Variants in PIEZO2 observed in about 807,000 individuals in gnomAD.
PIEZO2 encodes piezo-type mechanosensitive ion channel component 2.
Under a neutral mutation model 337.3 loss-of-function variants are expected in PIEZO2, and 172 were observed. The ratio of observed to expected loss-of-function variants is 0.51; its 90% confidence interval spans 0.45 to 0.58. The LOEUF is 0.58. PIEZO2 is among the 20% of genes least tolerant of loss of function. The probability of loss-of-function intolerance (pLI) is 0.00; values close to 1 mark genes in which losing one functional copy is unlikely to be tolerated. For missense variants in PIEZO2, 3,028 were observed against 3,391.3 expected (o/e 0.89, Z 2.66); for synonymous variants, 1,251 against 1,228.5 (o/e 1.02, Z -0.38).
intron 3 of PIEZO2, among the ~76,000 whole-genome samples, chr18:10,966,361 G>A (rs1207883543): frequency 6.6e-6 from 1 of 152,184 alleles, no homozygotes; most frequent in East Asian, 1.9e-4. Flanking sequence ...CCTTCTGGAT[G>A]GATTAGTGCC....
Position 10,789,309 on chromosome 18 carries a change from C to CTT in PIEZO2, c.1938_1939insAA (p.Glu647LysfsTer13). On this transcript the variant is annotated frameshift_variant, in exon 15 of 56. Transcript: ENST00000674853. LOFTEE classifies it high-confidence loss of function. The stretch of plus-strand genomic sequence containing the variant: ...CTCTCTTGCTTCTCTTCCTTCGCTT[C>CTT]CTCTTCTTCCTCCTCTTTGGGCTCT... 6.5e-7 allele frequency: 1 copy of CTT among 1,537,292 alleles called. No individual in the cohort carries two copies. The highest frequency in any genetic ancestry group is 2.4e-5 in the East Asian group (1 of 40,902).
At chr18:11,066,095 C>T (rs2038139383) in intron 2 of PIEZO2, 32 bp downstream of exon 2, 3 of 1,475,058 alleles carry the variant, frequency 2.0e-6, no homozygotes, top group Non-Finnish European at 2.8e-6. Flanking sequence ...GACTGTATAA[C>T]TCTGTGGTAT....
At chr18:11,005,182 G>A (rs2035676044) in intron 2 of PIEZO2, among the ~76,000 whole-genome samples, 2 of 152,168 alleles carry the variant, frequency 1.3e-5, no homozygotes, top group African/African-American at 2.4e-5. Flanking sequence ...TTAGGCTATT[G>A]AGTCCATTCC....
At chr18:11,029,010 G>A (rs988903078) in intron 2 of PIEZO2, among the ~76,000 whole-genome samples, 2 of 152,114 alleles carry the variant, frequency 1.3e-5, no homozygotes, top group South Asian at 4.1e-4. Context: ...TAGAAATTGA[G>A]GGGAACATCA....
At chr18:10,860,326 A>T (rs1426233559) in intron 5 of PIEZO2, among the ~76,000 whole-genome samples, 2 of 152,156 alleles carry the variant, frequency 1.3e-5, no homozygotes, top group African/African-American at 4.8e-5. Context: ...GCCTGTCAGC[A>T]TTCCTTGCAA....
At chr18:10,747,062 T>C (rs2037452837) in intron 30 of PIEZO2, among the ~76,000 whole-genome samples, 1 of 152,250 alleles carries the variant, frequency 6.6e-6, no homozygotes, top group African/African-American at 2.4e-5. Context: ...GTGAATTCTT[T>C]GAACACACTA....
intron 1 of PIEZO2, among the ~76,000 whole-genome samples, chr18:11,141,159 C>G (rs915037291): frequency 6.6e-6 from 1 of 152,196 alleles, no homozygotes; most frequent in African/African-American, 2.4e-5. Flanking sequence ...GAAAACAGAA[C>G]TCAAGAAGAA....
Position 11,077,075 on chromosome 18 carries a change from A to G in PIEZO2, c.65-10853T>C, listed in dbSNP as rs1228186993. Among the ~76,000 whole-genome samples, 1 of 152,224 alleles carries G rather than the reference A, an allele frequency of 6.6e-6. No homozygotes were observed. Among genetic ancestry groups the G allele is most frequent in the East Asian group, 1.9e-4 (1 of 5,196 alleles). ...CTTTTATGCTCATACATAATTTCTTAAACTATCAGACAAATTATACTTGAA... is the reference window on the plus strand; with the variant it reads ...CTTTTATGCTCATACATAATTTCTTGAACTATCAGACAAATTATACTTGAA... On this transcript the variant is annotated intron_variant, in intron 1 of 55. Transcript: ENST00000674853. This position sits in a 1 kb window ranked among gnomAD's most constrained non-coding sequence, Gnocchi z 4.8.
rs547188371 is a variant in PIEZO2, at chr18:11,094,018, G to A, written c.65-27796C>T. ...TTTGAGACAGTGTCTCGCTCTTGGGGCCCAGGCTGGAGTGCAGTGGTGCTA... is the reference window on the plus strand; with the variant it reads ...TTTGAGACAGTGTCTCGCTCTTGGGACCCAGGCTGGAGTGCAGTGGTGCTA... On this transcript the variant is annotated intron_variant, in intron 1 of 55. Transcript: ENST00000674853. This position sits in a 1 kb window ranked among gnomAD's most constrained non-coding sequence, Gnocchi z 4.4. 6.6e-6 allele frequency among the ~76,000 whole-genome samples: 1 copy of A among 151,736 alleles called. No individual in the cohort carries two copies. Among genetic ancestry groups the A allele is most frequent in the African/African-American group, 2.4e-5 (1 of 41,280 alleles).
intron 1 of PIEZO2, among the ~76,000 whole-genome samples, chr18:11,107,468 C>T (rs1005216131): frequency 4.6e-5 from 7 of 151,942 alleles, no homozygotes; most frequent in African/African-American, 1.7e-4. Context: ...TTTTCTGCTT[C>T]TCCAAAGTAA....
intron 5 of PIEZO2, among the ~76,000 whole-genome samples, chr18:10,867,367 C>T (rs911647172): frequency 1.3e-5 from 2 of 152,156 alleles, no homozygotes; most frequent in South Asian, 4.1e-4. Flanking sequence ...TTGGTCATGT[C>T]ATGTGCTAGA....
At chr18:10,814,384 G>A (rs933850733) in intron 7 of PIEZO2, among the ~76,000 whole-genome samples, 11 of 152,092 alleles carry the variant, frequency 7.2e-5, no homozygotes, top group African/African-American at 1.9e-4. Context: ...AGCATAAAAC[G>A]AATATTTGGG....
rs186856613 is a variant in PIEZO2, at chr18:10,895,167, C to T, written c.329+16019G>A. Among the ~76,000 whole-genome samples the T allele has an allele frequency of 6.6e-6, 1 of 152,274 alleles. No homozygotes were observed. Among genetic ancestry groups the T allele is most frequent in the Non-Finnish European group, 1.5e-5 (1 of 68,018 alleles). ...GGTAGAAAGTCAACAGCCTCATGGC[C>T]GAGCATGGTGGCTCATGCCTGTAAT... On this transcript the variant is annotated intron_variant, in intron 4 of 55. Coordinates refer to ENST00000674853, the MANE Select transcript of PIEZO2 (RefSeq NM_001378183.1). The surrounding 1 kb of genome is among the most constrained non-coding windows in gnomAD (Gnocchi z 4.8).
intron 2 of PIEZO2, among the ~76,000 whole-genome samples, chr18:10,992,199 T>C (rs2035137706): frequency 6.6e-6 from 1 of 152,210 alleles, no homozygotes. Flanking sequence ...ACTCTGATGA[T>C]AGTTTCTTGT....
chr18:10,690,990 G>T (rs959763945), intron 48 of PIEZO2, among the ~76,000 whole-genome samples: 2 of 152,264 alleles, frequency 1.3e-5, no homozygotes, highest in African/African-American at 4.8e-5. Flanking sequence ...TAATTATGCA[G>T]GATACTAACC....
chr18:10,950,713 C>G (rs1244252692), intron 3 of PIEZO2, among the ~76,000 whole-genome samples: 2 of 152,150 alleles, frequency 1.3e-5, no homozygotes, highest in Non-Finnish European at 2.9e-5. Flanking sequence ...ATTTTCCCTT[C>G]CCCTTCCTCC....
chr18:11,148,796 A>G lies in PIEZO2; in HGVS notation c.-208T>C, dbSNP rs2040876216. 1 of 510,266 alleles carries G rather than the reference A, an allele frequency of 2.0e-6. No homozygotes were observed. The highest frequency in any genetic ancestry group is 2.9e-5 in the South Asian group (1 of 34,678). 31.6% of individuals were successfully genotyped at this position (510,266 alleles called of 1,614,324 possible). ...GCCCCTCGCCCACCGGGCTCTGGGTAGCCCCTCACCAGGCTCTTGGCGGCC... is the reference window on the plus strand; with the variant it reads ...GCCCCTCGCCCACCGGGCTCTGGGTGGCCCCTCACCAGGCTCTTGGCGGCC... On this transcript the variant is annotated 5_prime_UTR_variant, in exon 1 of 56. Transcript: ENST00000674853. This position sits in a 1 kb window ranked among gnomAD's most constrained non-coding sequence, Gnocchi z 5.2.
At chr18:10,738,115 T>C (rs1406738500) in intron 33 of PIEZO2, 1 of 152,154 alleles carries the variant, frequency 6.6e-6, no homozygotes, top group African/African-American at 2.4e-5. Context: ...CCTTGGGAAA[T>C]AAATGCAATA....
chr18:11,140,726 T>C (rs972622190), intron 1 of PIEZO2, among the ~76,000 whole-genome samples: 2 of 152,214 alleles, frequency 1.3e-5, no homozygotes, highest in East Asian at 3.8e-4. Flanking sequence ...ATCCACTCTC[T>C]GTCATGGCCA....
Sources: allele counts gnomAD v4.1 joint callset (sites outside exome capture counted in the v4.1 genomes callset), GRCh38; gene constraint gnomAD v4.1.1; non-coding constraint Gnocchi (gnomAD v3.1); transcripts MANE v1.5; gene names NCBI Gene and HGNC (gene_info 2026-07-23, HGNC 2026-07-21).